The following ANAPC2 variants were observed in gnomAD, a reference collection of about 807,000 sequenced individuals.
The protein encoded by ANAPC2 is anaphase promoting complex subunit 2.
In ANAPC2, 29 loss-of-function variants were observed where a neutral mutation model predicts 84.3. That is an observed-to-expected ratio of 0.34 (90% CI 0.26 to 0.47). ANAPC2 has a LOEUF of 0.47. ANAPC2 is among the 20% of genes least tolerant of loss of function. The probability of loss-of-function intolerance (pLI) is 1.00; values close to 1 mark genes in which losing one functional copy is unlikely to be tolerated. For missense variants in ANAPC2, 857 were observed against 1,131.7 expected (o/e 0.76, Z 3.48); for synonymous variants, 571 against 479.4 (o/e 1.19, Z -2.50).
Position 137,175,704 on chromosome 9 carries a change from T to G in ANAPC2, c.2020+4A>C. The G allele has an allele frequency of 6.2e-7, 1 of 1,608,822 alleles. No individual in the cohort carries two copies. Among genetic ancestry groups the G allele is most frequent in the Non-Finnish European group, 8.5e-7 (1 of 1,177,516 alleles). ...GCAGGCCAGCTAGGGGCTGGTGGGC[T>G]CACCTTGGTCCTGAAAATACAGCAA... On this transcript the variant is annotated splice_donor_region_variant and intron_variant, in intron 11 of 12. Coordinates refer to ENST00000323927, the MANE Select transcript of ANAPC2 (RefSeq NM_013366.4).
At chr9:137,176,374 A>C (rs1486227968) in intron 10 of ANAPC2, 1 of 152,412 alleles carries the variant, frequency 6.6e-6, no homozygotes, top group African/African-American at 2.4e-5. Flanking sequence ...CAGCCTCCAA[A>C]ACTAAGACAA....
chr9:137,181,067 G>A, intron 7 of ANAPC2, 138 bp from the exon 8 acceptor site: 1 of 1,135,364 alleles, frequency 8.8e-7, no homozygotes, highest in Non-Finnish European at 1.2e-6. Context: ...GAGCAGCCCT[G>A]AGCCTCCCGG....
At chr9:137,181,630 G>C in intron 7 of ANAPC2, 51 bp downstream of exon 7, 1 of 1,513,324 alleles carries the variant, frequency 6.6e-7, no homozygotes, top group Non-Finnish European at 8.9e-7. Context: ...CGGACGGCCT[G>C]GCTGAAGCGC....
intron 3 of ANAPC2, among the ~76,000 whole-genome samples, chr9:137,185,756 C>G (rs777667442): frequency 2.0e-4 from 30 of 152,186 alleles, no homozygotes; most frequent in Non-Finnish European, 4.1e-4. Flanking sequence ...CAGAGCAGAG[C>G]CCCAGACCAC....
intron 10 of ANAPC2, 48 bp downstream of exon 10, chr9:137,180,133 C>T (rs1356348411): frequency 1.9e-6 from 3 of 1,584,994 alleles, no homozygotes; most frequent in Non-Finnish European, 1.7e-6. Flanking sequence ...CCCCGCAGTG[C>T]AGGGTAGGGG....
intron 2 of ANAPC2, chr9:137,187,267 G>A (rs1834494215): frequency 3.1e-6 from 2 of 638,708 alleles, no homozygotes; most frequent in Admixed American, 3.1e-5. Context: ...GCCTTACCAG[G>A]GTCAAGGCAT....
chr9:137,181,671 G>T lies in ANAPC2; in HGVS notation c.1468+10C>A. 1 of 1,582,458 alleles carries T rather than the reference G, an allele frequency of 6.3e-7. No individual in the cohort carries two copies. The highest frequency in any genetic ancestry group is 8.6e-7 in the Non-Finnish European group (1 of 1,160,312). On this transcript the variant is annotated intron_variant, in intron 7 of 12. Coordinates refer to ENST00000323927, the MANE Select transcript of ANAPC2 (RefSeq NM_013366.4). ...ACACTGGTGAAAGGGACCATGTGGG[G>T]CAAGCTAACCTGGATCGGCATCCAC... is the stretch of plus-strand genomic sequence containing the variant.
chr9:137,186,133 G>A lies in ANAPC2; in HGVS notation c.873+91C>T, dbSNP rs960998832. 8 of 1,555,540 alleles carry A rather than the reference G, an allele frequency of 5.1e-6. No individual in the cohort carries two copies. The African/African-American group carries it at 9.5e-5, about 18-fold the overall frequency. Reference sequence around the variant, plus strand: ...GGTCTGGGCCCACCCAGGCCTCCGTGCTCTGGATGCTTCTGAAGCCAGGTG... The same window carrying A: ...GGTCTGGGCCCACCCAGGCCTCCGTACTCTGGATGCTTCTGAAGCCAGGTG... On this transcript the variant is annotated intron_variant, in intron 3 of 12. Transcript: ENST00000323927.
intron 1 of ANAPC2, 22 bp downstream of exon 1, chr9:137,188,394 C>T (rs779554873): frequency 8.1e-5 from 129 of 1,598,362 alleles, no homozygotes; most frequent in African/African-American, 3.9e-4. Flanking sequence ...CGCGGGGCCG[C>T]CCCTCTCTTC....
Position 137,175,715 on chromosome 9 carries a change from C to T in ANAPC2, c.2013G>A (p.Gln671=), listed in dbSNP as rs1390496038. The stretch of plus-strand genomic sequence containing the variant: ...AGGGGCTGGTGGGCTCACCTTGGTC[C>T]TGAAAATACAGCAAGATCACCGCCT... ...PVQAVILLYF[Q]DQASWTLEEL... Residue 671 remains glutamine, a synonymous_variant, in exon 11 of 13, where the codon CAG becomes CAA. Coordinates refer to ENST00000323927, the MANE Select transcript of ANAPC2 (RefSeq NM_013366.4). 1.9e-6 allele frequency: 3 copies of T among 1,611,026 alleles called. No homozygotes were observed. The highest frequency in any genetic ancestry group is 1.7e-5 in the Admixed American group (1 of 59,920).
chr9:137,184,458 G>A (rs1457151604), intron 4 of ANAPC2, among the ~76,000 whole-genome samples: 1 of 145,228 alleles, frequency 6.9e-6, no homozygotes. Context: ...GGCACAGGGA[G>A]CCCAAGACGC....
intron 10 of ANAPC2, chr9:137,176,054 C>G: frequency 1.9e-6 from 1 of 527,568 alleles, no homozygotes; most frequent in Non-Finnish European, 3.2e-6. Flanking sequence ...AGGTGTGTCC[C>G]GAAAAGGCTA....
At chr9:137,183,866 G>T in intron 4 of ANAPC2, 75 bp from the exon 5 acceptor site, 1 of 1,568,984 alleles carries the variant, frequency 6.4e-7, no homozygotes, top group Non-Finnish European at 8.7e-7. Context: ...GAGTGTGTGC[G>T]GTGTGGGAAA....
At chr9:137,184,804 C>T in intron 4 of ANAPC2, 109 bp downstream of exon 4, 1 of 1,395,912 alleles carries the variant, frequency 7.2e-7, no homozygotes, top group Non-Finnish European at 9.7e-7. Context: ...ACAGAGCAGA[C>T]ACGGTGAAGG....
chr9:137,187,647 C>T lies in ANAPC2; in HGVS notation c.574G>A (p.Glu192Lys), dbSNP rs1285569342. The T allele has an allele frequency of 6.2e-7, 1 of 1,614,132 alleles. No individual in the cohort carries two copies. The highest frequency in any genetic ancestry group is 8.5e-7 in the Non-Finnish European group (1 of 1,180,030). The stretch of plus-strand genomic sequence containing the variant: ...TCCAGTTCCGGGTCTGTGCCCCCTT[C>T]CCCCTTCCTCTTACTCTGCATATAG... ...RVYMQSKRKGEGGTDPELEGE... is the reference protein window; with the variant it reads ...RVYMQSKRKGKGGTDPELEGE... Residue 192 changes from glutamate (E) to lysine (K), a missense_variant, in exon 2 of 13, where the codon GAA becomes AAA. Around this residue, in one of 3 missense-constraint regions of ANAPC2, gnomAD observed 428 missense variants for 513.8 expected, o/e 0.83. Transcript: ENST00000323927.
intron 11 of ANAPC2, 89 bp downstream of exon 11, chr9:137,175,619 C>G: frequency 6.6e-7 from 1 of 1,526,112 alleles, no homozygotes; most frequent in South Asian, 1.3e-5. Flanking sequence ...GCGCAGCTGC[C>G]CCAAACCACA....
chr9:137,183,349 C>T, intron 5 of ANAPC2, 107 bp from the exon 6 acceptor site: 1 of 968,366 alleles, frequency 1.0e-6, no homozygotes, highest in East Asian at 2.4e-5. Context: ...GTCTACAGGT[C>T]CCCACTGCAG....
In ANAPC2 at chr9:137,183,754, C is replaced by T; in HGVS notation, c.1086G>A (p.Lys362=). 1 of 1,613,322 alleles carries T rather than the reference C, an allele frequency of 6.2e-7. No individual in the cohort carries two copies. The highest frequency in any genetic ancestry group is 1.1e-5 in the South Asian group (1 of 91,082). Residue 362 remains lysine (K), a synonymous_variant, in exon 5 of 13, where the codon AAG becomes AAA. Transcript: ENST00000323927. ...TCTGGTCCGTCCTCTCCAGGCAGTA[C>T]TTGAGGTCCTCGATGGCTGGCCGGG... The part of the protein sequence containing the change: ...PDSRPAIEDL[K]YCLERTDQRQ...
intron 10 of ANAPC2, among the ~76,000 whole-genome samples, chr9:137,179,682 A>G (rs929572695): frequency 2.6e-5 from 4 of 152,230 alleles, no homozygotes; most frequent in Non-Finnish European, 2.9e-5. Flanking sequence ...CTGCAAAGGC[A>G]GTTCTCGAGG....
Sources: allele counts gnomAD v4.1 joint callset (sites outside exome capture counted in the v4.1 genomes callset), GRCh38; gene constraint gnomAD v4.1.1; regional missense constraint gnomAD v4.1.1; transcripts MANE v1.5; gene names NCBI Gene and HGNC (gene_info 2026-07-23, HGNC 2026-07-21).